The following CFAP47 variants were observed in gnomAD, a reference collection of about 807,000 sequenced individuals.
The protein encoded by CFAP47 is cilia and flagella associated protein 47.
Under a neutral mutation model 148.1 loss-of-function variants are expected in CFAP47, and 29 were observed. The observed-to-expected ratio is 0.20, with a 90% CI of 0.15 to 0.27. CFAP47 has a LOEUF of 0.27. Among genes scored for constraint, CFAP47 ranks in the 10% least tolerant of loss-of-function variants. The pLI is 1.00. For synonymous variants in CFAP47, 664 were observed against 577.3 expected (o/e 1.15, Z -2.15); for missense variants, 1,872 against 1,697.5 (o/e 1.10, Z -1.81).
At position 36,301,146 on chromosome X, in the gene CFAP47, C is replaced by T; in HGVS notation, c.7937C>T (p.Thr2646Ile). ...TTAACTATTGAATTACCAAAACCAACCACAATGCCAGAAATACAGTGCGAC... is the reference window on the plus strand; with the variant it reads ...TTAACTATTGAATTACCAAAACCAATCACAATGCCAGAAATACAGTGCGAC... ...LKLTIELPKP[T>I]TMPEIQCDLG... The change falls in exon 53 of 64, where the codon ACC becomes ATC. Residue 2646 changes from threonine to isoleucine, a missense_variant. Thr to Ile is a moderately conservative substitution (Grantham distance 89). Transcript: ENST00000378653. The T allele has an allele frequency of 1.7e-6, 2 of 1,152,340 alleles. No individual in the cohort carries two copies. The highest frequency in any genetic ancestry group is 3.9e-5 in the South Asian group (2 of 51,818). The allele number at this position is 1,152,340 out of a possible 1,213,427, so 95.0% of individuals were successfully genotyped here.
At chrX:35,973,733 A>G (rs1936528677) in intron 13 of CFAP47, among the ~76,000 whole-genome samples, 1 of 111,586 alleles carries the variant, frequency 9.0e-6, no homozygotes, top group African/African-American at 3.3e-5. Context: ...GTTTACCTCT[A>G]TGGGTCTCAG....
chrX:36,348,470 T>C (rs1218638256), intron 58 of CFAP47, among the ~76,000 whole-genome samples, 182 bp downstream of exon 58: 2 of 110,650 alleles, frequency 1.8e-5, no homozygotes, highest in East Asian at 5.6e-4. Flanking sequence ...ATATATAATG[T>C]ATAGAAAATA....
intron 51 of CFAP47, among the ~76,000 whole-genome samples, chrX:36,292,796 T>C (rs1237646655): frequency 8.9e-6 from 1 of 111,778 alleles, no homozygotes; most frequent in Non-Finnish European, 1.9e-5. Context: ...AACTTTCAAG[T>C]AAGGAGGCAG....
chrX:36,177,765 C>A (rs751524505), intron 39 of CFAP47, among the ~76,000 whole-genome samples: 3 of 112,172 alleles, frequency 2.7e-5, no homozygotes, highest in Non-Finnish European at 5.6e-5. Context: ...CTGTGGAAAG[C>A]AGTTTGGAGA....
intron 39 of CFAP47, among the ~76,000 whole-genome samples, chrX:36,169,908 C>T (rs775754319): frequency 1.8e-5 from 2 of 111,861 alleles, no homozygotes; most frequent in Non-Finnish European, 3.8e-5. Flanking sequence ...AAATGCATTA[C>T]AAATTAAGGC....
chrX:36,297,121 C>A (rs868980505), intron 51 of CFAP47, among the ~76,000 whole-genome samples: 1 of 111,701 alleles, frequency 9.0e-6, no homozygotes, highest in Non-Finnish European at 1.9e-5. Context: ...CTGCTCTAAT[C>A]TAATTGTTAA....
At chrX:36,228,440 A>G (rs1940296268) in intron 45 of CFAP47, among the ~76,000 whole-genome samples, 188 bp from the exon 46 acceptor site, 1 of 110,936 alleles carries the variant, frequency 9.0e-6, no homozygotes, top group Admixed American at 9.7e-5. Context: ...AGTGCAGTAT[A>G]TATACTCTAA....
At chrX:36,155,882 A>C in intron 37 of CFAP47, among the ~76,000 whole-genome samples, 1 of 111,257 alleles carries the variant, frequency 9.0e-6, no homozygotes, top group East Asian at 2.8e-4. Flanking sequence ...AAATGCTTAC[A>C]ATCTATCCCA....
At chrX:35,998,888 G>A (rs903054886) in intron 19 of CFAP47, among the ~76,000 whole-genome samples, 5 of 111,276 alleles carry the variant, frequency 4.5e-5, no homozygotes, top group Admixed American at 9.6e-5. Context: ...TTTTGGGCAT[G>A]CTTTGCATGT....
chrX:36,348,889 T>G lies in CFAP47; in HGVS notation c.8603+601T>G, dbSNP rs1316681851. 1.2e-4 allele frequency among the ~76,000 whole-genome samples: 13 copies of G among 111,837 alleles called. No homozygotes were observed. In the Admixed American group the frequency reaches 1.2e-3, roughly 11 times the overall value. ...GTTTAATTAAATGATAATCTGGAAA[T>G]CTTAGTTAAAAATAAATTTTTACTT... On this transcript the variant is annotated intron_variant, in intron 58 of 63. Coordinates refer to ENST00000378653, the MANE Select transcript of CFAP47 (RefSeq NM_001304548.2).
chrX:36,037,220 C>G (rs764088675), intron 24 of CFAP47, among the ~76,000 whole-genome samples: 1 of 111,981 alleles, frequency 8.9e-6, no homozygotes, highest in Admixed American at 9.5e-5. Context: ...ATAAAATGGA[C>G]TGGACTGGTC....
In CFAP47 at chrX:36,371,804, A is replaced by ATG. The variant is rs782525559; in HGVS notation, c.9185+4679_9185+4680dup. ...TGTATATATGTGTGTATATACACAC[A>ATG]TGTATATATGTGTGCATATACACAC... On this transcript the variant is annotated intron_variant, in intron 62 of 63. Coordinates refer to ENST00000378653, the MANE Select transcript of CFAP47 (RefSeq NM_001304548.2). 0.012 allele frequency among the ~76,000 whole-genome samples: 602 copies of ATG among 51,089 alleles called. 126 individuals are homozygous for ATG. In the African/African-American group the frequency reaches 0.14, roughly 12 times the overall value. The allele number at this position is 51,089 out of a possible 115,157, so 44.4% of individuals were successfully genotyped here.
At chrX:35,972,160 C>CTG (rs1936503789) in intron 13 of CFAP47, among the ~76,000 whole-genome samples, 195 bp downstream of exon 13, 1 of 111,763 alleles carries the variant, frequency 8.9e-6, no homozygotes, top group Admixed American at 9.5e-5. Flanking sequence ...TATATAACCA[C>CTG]CTTCGCAATT....
intron 44 of CFAP47, among the ~76,000 whole-genome samples, chrX:36,201,916 G>T (rs1431694212): frequency 9.1e-6 from 1 of 109,964 alleles, no homozygotes; most frequent in Non-Finnish European, 1.9e-5. Context: ...AATCATCTCT[G>T]GTGTCAGATA....
intron 26 of CFAP47, 56 bp from the exon 27 acceptor site, chrX:36,065,587 G>T (rs931450676): frequency 1.5e-6 from 1 of 648,822 alleles, no homozygotes; most frequent in East Asian, 3.5e-5. Context: ...TAAATGCATG[G>T]CATTTACTGC....
intron 57 of CFAP47, among the ~76,000 whole-genome samples, chrX:36,322,529 A>C (rs868949604): frequency 9.0e-6 from 1 of 111,552 alleles, no homozygotes; most frequent in Non-Finnish European, 1.9e-5. Context: ...CTTTTATTTT[A>C]AATACTACAA....
intron 13 of CFAP47, among the ~76,000 whole-genome samples, chrX:35,972,286 G>T (rs1007431851): frequency 2.7e-5 from 3 of 110,854 alleles, no homozygotes; most frequent in African/African-American, 9.9e-5. Flanking sequence ...CTGGAGTGCA[G>T]TGGCATGATC....
chrX:36,083,068 T>A (rs1192922962), intron 29 of CFAP47, among the ~76,000 whole-genome samples: 1 of 111,231 alleles, frequency 9.0e-6, no homozygotes, highest in Non-Finnish European at 1.9e-5. Flanking sequence ...ACTCTTTTTG[T>A]ATTTGGCAGT....
Position 36,321,371 on chromosome X carries a change from G to A in CFAP47, c.8443+2064G>A, listed in dbSNP as rs1357669967. On this transcript the variant is annotated intron_variant, in intron 57 of 63. Transcript: ENST00000378653. ...AATGATGGTTACCAGAGATTGGGAAGAGTAATGGGTGGCGGTGGGGCCATG... is the reference window on the plus strand; with the variant it reads ...AATGATGGTTACCAGAGATTGGGAAAAGTAATGGGTGGCGGTGGGGCCATG... Among the ~76,000 whole-genome samples, 4 of 111,470 alleles carry A rather than the reference G, an allele frequency of 3.6e-5. No individual in the cohort carries two copies. In the Admixed American group the frequency reaches 3.8e-4, roughly 11 times the overall value.
Sources: allele counts gnomAD v4.1 joint callset (sites outside exome capture counted in the v4.1 genomes callset), GRCh38; gene constraint gnomAD v4.1.1; transcripts MANE v1.5; gene names NCBI Gene and HGNC (gene_info 2026-07-23, HGNC 2026-07-21).